Variants in LRRC58 observed in about 807,000 individuals in gnomAD.
LRRC58 encodes the protein leucine-rich repeat-containing protein 58.
LRRC58 carries 18 observed loss-of-function variants against 30.6 expected under a neutral mutation model. The observed-to-expected ratio is 0.59, with a 90% CI of 0.41 to 0.87. The LOEUF (loss-of-function observed/expected upper bound fraction) is 0.87, where lower values mean the gene tolerates loss of function less well. LRRC58 is among the 40% of genes least tolerant of loss of function. LRRC58 has a pLI of 0.00. For synonymous variants in LRRC58, 221 were observed against 206.0 expected, an observed-to-expected ratio of 1.07 and a Z score of -0.62; for missense variants, 420 against 468.4, an observed-to-expected ratio of 0.90 and a Z score of 0.95.
At chr3:120,347,376 A>ATTTTTT (rs1208688984) in intron 1 of LRRC58, among the ~76,000 whole-genome samples, 4 of 51,100 alleles carry the variant, frequency 7.8e-5, no homozygotes, top group African/African-American at 3.3e-4. Context: ...CCAGGCCAAT[A>ATTTTTT]TTCTTTTTTT....
chr3:120,349,318 G>T lies in LRRC58; in HGVS notation c.-75C>A. On this transcript the variant is annotated 5_prime_UTR_variant, in exon 1 of 4. Coordinates refer to ENST00000295628, the MANE Select transcript of LRRC58 (RefSeq NM_001099678.2). The stretch of plus-strand genomic sequence containing the variant: ...CGGTCCAGAGGCCGGGAGCTCTGCG[G>T]CGCCCCGGAACCTGAACCGAGGGCT... 5 of 1,312,882 alleles carry T rather than the reference G, an allele frequency of 3.8e-6. No individual in the cohort carries two copies. Among genetic ancestry groups the T allele is most frequent in the Non-Finnish European group, 4.9e-6 (5 of 1,030,212 alleles). The allele number at this position is 1,312,882 out of a possible 1,614,324, so 81.3% of individuals were successfully genotyped here. A position where few individuals can be genotyped will look rare whatever the true frequency, so the allele number is the denominator to read the frequency against.
At position 120,326,091 on chromosome 3, in the gene LRRC58, A is replaced by T. The variant is rs971463612; in HGVS notation, c.*5109T>A. On this transcript the variant is annotated 3_prime_UTR_variant, in exon 4 of 4. Transcript: ENST00000295628. ...GTCTAGAGTAGAGGATTTAAGGCAC[A>T]TACTTCCTGACCACAACTGAAATCA... 6.6e-6 allele frequency: 1 copy of T among 152,212 alleles called. No individual in the cohort carries two copies. The highest frequency in any genetic ancestry group is 2.4e-5 in the African/African-American group (1 of 41,452). 9.4% of individuals were successfully genotyped at this position (152,212 alleles called of 1,614,324 possible). A position where few individuals can be genotyped will look rare whatever the true frequency, so the allele number is the denominator to read the frequency against.
intron 1 of LRRC58, among the ~76,000 whole-genome samples, chr3:120,346,371 T>C (rs1935969128): frequency 6.6e-6 from 1 of 152,212 alleles, no homozygotes; most frequent in Non-Finnish European, 1.5e-5. Context: ...ACTCAAGGGT[T>C]TGGAGTCACA....
chr3:120,326,567 T>G lies in LRRC58; in HGVS notation c.*4633A>C, dbSNP rs1050569052. 6.6e-6 allele frequency: 1 copy of G among 152,232 alleles called. No individual in the cohort carries two copies. Among genetic ancestry groups the G allele is most frequent in the Non-Finnish European group, 1.5e-5 (1 of 68,034 alleles). 9.4% of individuals were successfully genotyped at this position (152,232 alleles called of 1,614,324 possible). A position where few individuals can be genotyped will look rare whatever the true frequency, so the allele number is the denominator to read the frequency against. On this transcript the variant is annotated 3_prime_UTR_variant, in exon 4 of 4. Transcript: ENST00000295628. ...TACAGAAGGAATCAGAAATGTATTATAGGTCACATTGAATAAAAATCTATA... is the reference window on the plus strand; with the variant it reads ...TACAGAAGGAATCAGAAATGTATTAGAGGTCACATTGAATAAAAATCTATA...
intron 2 of LRRC58, among the ~76,000 whole-genome samples, chr3:120,335,400 A>G (rs560820525): frequency 3.3e-5 from 5 of 152,360 alleles, no homozygotes; most frequent in Middle Eastern, 3.4e-3. Flanking sequence ...TGTAAAACCT[A>G]GATTTGAAGA....
intron 1 of LRRC58, among the ~76,000 whole-genome samples, chr3:120,347,427 C>T (rs1935985704): frequency 9.8e-6 from 1 of 102,044 alleles, no homozygotes; most frequent in Non-Finnish European, 2.0e-5. Flanking sequence ...CTCTGTCGCC[C>T]AGGCCGGACT....
rs1168118949 is a variant in LRRC58, at chr3:120,349,138, C to G, written c.106G>C (p.Gly36Arg). ...ETLESELEAR[G>R]EERRGAREAL... ...TCCCGCGCCCCGCGCCGCTCCTCCC[C>G]CCGCGCCTCCAGCTCAGACTCCAGC... Residue 36 changes from glycine (G) to arginine (R), a missense_variant, in exon 1 of 4, where the codon GGG (glycine) becomes CGG (arginine). Gly to Arg is a moderately radical substitution (Grantham distance 125). Around this residue, in one of 2 missense-constraint regions of LRRC58, gnomAD observed 266 missense variants for 251.7 expected, o/e 1.06. Transcript: ENST00000295628. 2.7e-6 allele frequency: 4 copies of G among 1,504,664 alleles called. No homozygotes were observed. Among genetic ancestry groups the G allele is most frequent in the Non-Finnish European group, 3.5e-6 (4 of 1,135,174 alleles). The allele number at this position is 1,504,664 out of a possible 1,614,324, so 93.2% of individuals were successfully genotyped here. A position where few individuals can be genotyped will look rare whatever the true frequency, so the allele number is the denominator to read the frequency against.
At chr3:120,339,825 T>C (rs1935882168) in intron 1 of LRRC58, among the ~76,000 whole-genome samples, 1 of 152,158 alleles carries the variant, frequency 6.6e-6, no homozygotes, top group Non-Finnish European at 1.5e-5. Flanking sequence ...TTTCTTTCAT[T>C]GTCTTTCTAG....
At chr3:120,332,545 GAAATA>G (rs1935771950) in intron 3 of LRRC58, among the ~76,000 whole-genome samples, 2 of 151,978 alleles carry the variant, frequency 1.3e-5, no homozygotes, top group African/African-American at 2.4e-5. Context: ...ACAGATGAAA[GAAATA>G]AAATAAAGCA....
intron 1 of LRRC58, among the ~76,000 whole-genome samples, chr3:120,348,099 T>G (rs1935997552): frequency 6.6e-6 from 1 of 152,040 alleles, no homozygotes; most frequent in South Asian, 2.1e-4. Context: ...ATCACAGAGA[T>G]GATTAACTTG....
At chr3:120,344,830 A>C (rs1935947619) in intron 1 of LRRC58, among the ~76,000 whole-genome samples, 1 of 152,210 alleles carries the variant, frequency 6.6e-6, no homozygotes, top group African/African-American at 2.4e-5. Context: ...CCTAACTGAG[A>C]AGAATAAAAG....
At chr3:120,337,195 C>T (rs962362121) in intron 1 of LRRC58, among the ~76,000 whole-genome samples, 1 of 152,170 alleles carries the variant, frequency 6.6e-6, no homozygotes, top group Non-Finnish European at 1.5e-5. Flanking sequence ...GCCAAGTTAC[C>T]TTGTGCAGCC....
intron 1 of LRRC58, among the ~76,000 whole-genome samples, chr3:120,345,123 A>G (rs1935952391): frequency 6.6e-6 from 1 of 152,212 alleles, no homozygotes; most frequent in Admixed American, 6.5e-5. Flanking sequence ...GTTAAAAAAA[A>G]AAAGATTTTG....
chr3:120,341,236 T>C (rs927655691), intron 1 of LRRC58, among the ~76,000 whole-genome samples: 2 of 152,044 alleles, frequency 1.3e-5, no homozygotes, highest in Non-Finnish European at 2.9e-5. Context: ...TTGAATAGAA[T>C]AGAACAGAAC....
In LRRC58 at chr3:120,335,130, T is replaced by C. The variant is rs749248977; in HGVS notation, c.639A>G (p.Ser213=). Residue 213 remains serine, a synonymous_variant, in exon 3 of 4, where the codon TCA becomes TCG. Coordinates refer to ENST00000295628, the MANE Select transcript of LRRC58 (RefSeq NM_001099678.2). ...SIPPQLSQLH[S]LRSLSLHNNL... is the part of the protein sequence containing the mutation. ...TATTGTGAAGACTTAGGGAACGAAG[T>C]GAATGTAACCTAGAATAAATGTAGT... 9 of 1,612,066 alleles carry C rather than the reference T, an allele frequency of 5.6e-6. No homozygotes were observed. Among genetic ancestry groups the C allele is most frequent in the Non-Finnish European group, 6.8e-6 (8 of 1,178,736 alleles).
intron 1 of LRRC58, among the ~76,000 whole-genome samples, chr3:120,337,281 C>T (rs1935847846): frequency 6.6e-6 from 1 of 152,152 alleles, no homozygotes; most frequent in African/African-American, 2.4e-5. Flanking sequence ...CTAGTATTAT[C>T]ACCAGCATTT....
rs560288052 is a variant in LRRC58 at position 120,332,203 on chromosome 3, T to A, written c.908-795A>T. 3.3e-5 allele frequency among the ~76,000 whole-genome samples: 5 copies of A among 152,310 alleles called. No individual in the cohort carries two copies. In the South Asian group the frequency reaches 1.0e-3, roughly 32 times the overall value. On this transcript the variant is annotated intron_variant, in intron 3 of 3. Transcript: ENST00000295628. ...ATGGTTGCAGTATAACCAGAACATC[T>A]AGAATTTTGGTCCAATCACCTCTCT...
intron 1 of LRRC58, among the ~76,000 whole-genome samples, chr3:120,348,247 A>G (rs899147191): frequency 5.3e-5 from 8 of 152,210 alleles, no homozygotes; most frequent in Non-Finnish European, 1.0e-4. Context: ...TGCTTTCTCT[A>G]CGTGGGAAAA....
rs1396433434 is a variant in LRRC58 at position 120,324,703 on chromosome 3, G to A, written c.*6497C>T. On this transcript the variant is annotated 3_prime_UTR_variant, in exon 4 of 4. Coordinates refer to ENST00000295628, the MANE Select transcript of LRRC58 (RefSeq NM_001099678.2). ...GATCTTTTGTACGTCCTGGGGGAGG[G>A]GGAAGAAGGTGGTAGAATTGAAGTA... The A allele has an allele frequency of 1.3e-5, 2 of 151,940 alleles. No individual in the cohort carries two copies. The highest frequency in any genetic ancestry group is 1.9e-4 in the East Asian group (1 of 5,164). 9.4% of individuals were successfully genotyped at this position (151,940 alleles called of 1,614,324 possible).
Sources: allele counts gnomAD v4.1 joint callset (sites outside exome capture counted in the v4.1 genomes callset), GRCh38; gene constraint gnomAD v4.1.1; regional missense constraint gnomAD v4.1.1; transcripts MANE v1.5; gene names NCBI Gene and HGNC (gene_info 2026-07-23, HGNC 2026-07-21).